PZP: variants seen among roughly 807,000 people sequenced by gnomAD.
PZP encodes the protein PZP alpha-2-macroglobulin like, also known as pregnancy zone protein.
PZP carries 150 observed loss-of-function variants against 179.8 expected under a neutral mutation model. The ratio of observed to expected loss-of-function variants is 0.83; its 90% CI spans 0.73 to 0.96. The LOEUF (loss-of-function observed/expected upper bound fraction) is 0.96, where lower values mean the gene tolerates loss of function less well. Among genes scored for constraint, PZP ranks in the 40% least tolerant of loss-of-function variants. The probability of loss-of-function intolerance (pLI) is 0.00; values close to 1 mark genes in which losing one functional copy is unlikely to be tolerated. For missense variants in PZP, 1,689 were observed against 1,764.0 expected (o/e 0.96, Z 0.76); for synonymous variants, 624 against 652.3 (o/e 0.96, Z 0.66).
At chr12:9,162,078 C>T (rs1941244940) in intron 22 of PZP, among the ~76,000 whole-genome samples, 2 of 152,156 alleles carry the variant, frequency 1.3e-5, no homozygotes, top group African/African-American at 4.8e-5. Context: ...TCTCGTGCCC[C>T]AGCCCCCCAT....
chr12:9,136,835 G>A, the PZP span, among the ~76,000 whole-genome samples: 16 of 152,088 alleles, frequency 1.1e-4, 1 homozygote, highest in Non-Finnish European at 1.8e-4. Flanking sequence ...TTTGAAAGAT[G>A]TCTACTCAGA....
At chr12:9,178,637 C>T (rs1408296661) in intron 15 of PZP, among the ~76,000 whole-genome samples, 14 of 152,196 alleles carry the variant, frequency 9.2e-5, no homozygotes, top group Non-Finnish European at 5.9e-5. Flanking sequence ...TTTGCTGTCA[C>T]ATCTCAAACT....
intron 7 of PZP, among the ~76,000 whole-genome samples, chr12:9,199,589 C>A (rs1208312156): frequency 6.6e-6 from 1 of 151,956 alleles, no homozygotes; most frequent in Non-Finnish European, 1.5e-5. Flanking sequence ...CATGAGAAAA[C>A]AAACAGGCAG....
rs1248117108 is a variant in PZP, at chr12:9,166,146, T to C, written c.2164A>G (p.Ile722Val). 6.2e-7 allele frequency: 1 copy of C among 1,614,008 alleles called. No homozygotes were observed. Among genetic ancestry groups the C allele is most frequent in the East Asian group, 2.2e-5 (1 of 44,874 alleles). The change falls in exon 18 of 36, where the codon ATA (isoleucine) becomes GTA (valine). Residue 722 changes from isoleucine (I) to valine (V), a missense_variant. Ile to Val is a conservative substitution (Grantham distance 29). Around this residue, in one of 3 missense-constraint regions of PZP, gnomAD observed 201 missense variants for 284.2 expected, o/e 0.71. Coordinates refer to ENST00000261336, the MANE Select transcript of PZP (RefSeq NM_002864.3). ...YVPQLGTYNVIPLNNEQSSGP... is the reference protein window; with the variant it reads ...YVPQLGTYNVVPLNNEQSSGP... ...GAACTTTGTTCATTATTTAAGGGTATCACATTATATGTGCCTAATTGAGGA... is the reference window on the plus strand; with the variant it reads ...GAACTTTGTTCATTATTTAAGGGTACCACATTATATGTGCCTAATTGAGGA...
chr12:9,201,412 G>C (rs1944153018), intron 4 of PZP, 65 bp from the exon 5 acceptor site: 2 of 1,279,318 alleles, frequency 1.6e-6, no homozygotes, highest in African/African-American at 3.0e-5. Context: ...TTTCAGACTT[G>C]TGATCAAACA....
chr12:9,208,226 A>C, intron 1 of PZP, 33 bp downstream of exon 1: 1 of 1,561,190 alleles, frequency 6.4e-7, no homozygotes, highest in South Asian at 1.1e-5. Context: ...ACTGAAACGC[A>C]CTCTGGAGGA....
chr12:9,188,031 T>C (rs2121057192), intron 13 of PZP, among the ~76,000 whole-genome samples: 1 of 152,362 alleles, frequency 6.6e-6, no homozygotes, highest in South Asian at 2.1e-4. Flanking sequence ...AAAAATAGTC[T>C]GGCCAAACGT....
chr12:9,201,296 T>G, intron 5 of PZP, 31 bp downstream of exon 5: 1 of 1,506,512 alleles, frequency 6.6e-7, no homozygotes, highest in Admixed American at 1.8e-5. Flanking sequence ...AAGCACTAAT[T>G]TCCTTATAAG....
At chr12:9,157,463 G>T in intron 27 of PZP, 108 bp from the exon 28 acceptor site, 1 of 1,033,432 alleles carries the variant, frequency 9.7e-7, no homozygotes, top group Non-Finnish European at 1.4e-6. Context: ...CAGACAGATA[G>T]GCAGACAGCT....
chr12:9,160,002 T>C lies in PZP; in HGVS notation c.3073A>G (p.Lys1025Glu), dbSNP rs201349227. The stretch of plus-strand genomic sequence containing the variant: ...GTGCTGTAGGAGCCATCTTGGTGTT[T>C]GTAGTTCAGCTGTCTCTGGTAACCT... ...ITGYQRQLNY[K>E]HQDGSYSTFG... The change falls in exon 25 of 36, where the codon AAA becomes GAA. Residue 1025 changes from lysine (K) to glutamate (E), a missense_variant. By Grantham distance (56) the Lys-to-Glu change is moderately conservative. Transcript: ENST00000261336. 5 of 1,613,970 alleles carry C rather than the reference T, an allele frequency of 3.1e-6. No homozygotes were observed. In the East Asian group the frequency reaches 1.1e-4, roughly 36 times the overall value.
chr12:9,169,281 G>T lies in PZP; in HGVS notation c.2001+149C>A. On this transcript the variant is annotated intron_variant, in intron 16 of 35. Coordinates refer to ENST00000261336, the MANE Select transcript of PZP (RefSeq NM_002864.3). ...GAGCTTTTGTGTGATCCTCACAAGA[G>T]ACTTTAACCTTTTTATTGGCTTCAT... 1 of 795,532 alleles carries T rather than the reference G, an allele frequency of 1.3e-6. No homozygotes were observed. The highest frequency in any genetic ancestry group is 1.9e-6 in the Non-Finnish European group (1 of 530,822). 49.3% of individuals were successfully genotyped at this position (795,532 alleles called of 1,614,324 possible). A position where few individuals can be genotyped will look rare whatever the true frequency, so the allele number is the denominator to read the frequency against.
chr12:9,188,564 G>C (rs930850391), intron 13 of PZP, among the ~76,000 whole-genome samples: 2 of 152,190 alleles, frequency 1.3e-5, no homozygotes, highest in Non-Finnish European at 2.9e-5. Context: ...ATCAGCATAG[G>C]AAGAGAGGAA....
At chr12:9,169,854 T>C (rs1267327099) in intron 15 of PZP, 1 of 288,280 alleles carries the variant, frequency 3.5e-6, no homozygotes, top group African/African-American at 2.2e-5. Context: ...TTGTAGAGTC[T>C]AGAGGTAAAA....
intron 25 of PZP, 23 bp from the exon 26 acceptor site, chr12:9,158,599 G>T: frequency 6.2e-7 from 1 of 1,611,776 alleles, no homozygotes; most frequent in Non-Finnish European, 8.5e-7. Context: ...AAAATGCAGT[G>T]CTGAGGCTCT....
chr12:9,202,438 A>G, intron 3 of PZP, 67 bp from the exon 4 acceptor site: 1 of 1,612,584 alleles, frequency 6.2e-7, no homozygotes, highest in Non-Finnish European at 8.5e-7. Context: ...ATAAGACAGG[A>G]GGCTACGGGG....
Position 9,196,329 on chromosome 12 carries a change from C to A in PZP, c.1092+1G>T. On this transcript the variant is annotated splice_donor_variant, in intron 10 of 35. Transcript: ENST00000261336. LOFTEE classifies it high-confidence loss of function. The stretch of plus-strand genomic sequence containing the variant: ...TACCTGTGCATTACAACATATCTTA[C>A]CTGTGCAAAAAAGGGGATTCCTTGT... 1 of 1,595,452 alleles carries A rather than the reference C, an allele frequency of 6.3e-7. No individual in the cohort carries two copies. The highest frequency in any genetic ancestry group is 8.6e-7 in the Non-Finnish European group (1 of 1,163,392).
intron 2 of PZP, 26 bp from the exon 3 acceptor site, chr12:9,202,710 C>T: frequency 1.2e-6 from 2 of 1,605,228 alleles, no homozygotes; most frequent in Non-Finnish European, 1.7e-6. Context: ...TTTTTTACTA[C>T]TGAGGAACTG....
intron 22 of PZP, among the ~76,000 whole-genome samples, chr12:9,161,378 T>C (rs1350971446): frequency 6.6e-6 from 1 of 152,230 alleles, no homozygotes; most frequent in Non-Finnish European, 1.5e-5. Flanking sequence ...AGCAGTAATA[T>C]TATTATATCT....
At chr12:9,184,326 C>T (rs1942965089) in intron 13 of PZP, among the ~76,000 whole-genome samples, 1 of 152,188 alleles carries the variant, frequency 6.6e-6, no homozygotes, top group African/African-American at 2.4e-5. Context: ...ACAAACCCAC[C>T]CCTAGCCATG....
Sources: gnomAD v4.1 joint callset for allele counts (sites outside exome capture counted in the v4.1 genomes callset) on GRCh38, gnomAD v4.1.1 for gene constraint, gnomAD v4.1.1 regional missense constraint, MANE v1.5 for transcripts, NCBI Gene and HGNC (gene_info 2026-07-23, HGNC 2026-07-21) for gene names.